The following ATP13A2 variants were observed in gnomAD, a reference collection of about 807,000 sequenced individuals.
ATP13A2 encodes the protein ATPase cation transporting 13A2.
In ATP13A2, 83 loss-of-function variants were observed where a neutral mutation model predicts 138.3. That is an observed-to-expected ratio of 0.60 (90% CI 0.50 to 0.72). The LOEUF (loss-of-function observed/expected upper bound fraction) is 0.72, where lower values mean the gene tolerates loss of function less well. Among genes scored for constraint, ATP13A2 ranks in the 30% least tolerant of loss-of-function variants. The probability of loss-of-function intolerance (pLI) is 0.00; values close to 1 mark genes in which losing one functional copy is unlikely to be tolerated. For synonymous variants in ATP13A2, 663 were observed against 699.0 expected (o/e 0.95, Z 0.81); for missense variants, 1,402 against 1,606.4 (o/e 0.87, Z 2.17).
intron 23 of ATP13A2, 52 bp from the exon 24 acceptor site, chr1:16,988,526 TG>T: frequency 6.2e-7 from 1 of 1,610,166 alleles, no homozygotes; most frequent in South Asian, 1.1e-5. Flanking sequence ...CACCACCCCA[TG>T]GGTGGGCTGG....
At chr1:17,002,831 G>T (rs1260763388) in intron 6 of ATP13A2, among the ~76,000 whole-genome samples, 2 of 152,066 alleles carry the variant, frequency 1.3e-5, no homozygotes, top group Non-Finnish European at 2.9e-5. Context: ...ATGAATGCAC[G>T]GGTGATTTTT....
In ATP13A2 at chr1:17,004,935, T is replaced by TG. The variant is rs1190474050; in HGVS notation, c.347+78dup. On this transcript the variant is annotated intron_variant, in intron 4 of 28. Transcript: ENST00000326735. This position sits in a 1 kb window ranked among gnomAD's most constrained non-coding sequence, Gnocchi z 4.1. ...TGGGAGGCGCCAGAGTCAGCCTTTA[T>TG]GGGGGGGCCGAGGGTTGGGGAAGTT... 27 of 1,608,202 alleles carry TG rather than the reference T, an allele frequency of 1.7e-5. No homozygotes were observed. Among genetic ancestry groups the TG allele is most frequent in the East Asian group, 1.3e-4 (6 of 44,746 alleles).
Position 16,986,662 on chromosome 1 carries a change from G to A in ATP13A2, c.3236-30C>T, listed in dbSNP as rs2076605. ...GAGCAGGAGAGTCTCTCAGGCAGGA[G>A]CCACGCCCCCCCGGCACCCACAGAC... On this transcript the variant is annotated intron_variant, in intron 27 of 28. Coordinates refer to ENST00000326735, the MANE Select transcript of ATP13A2 (RefSeq NM_022089.4). This position sits in a 1 kb window ranked among gnomAD's most constrained non-coding sequence, Gnocchi z 6.9. 787,640 of 1,587,734 alleles carry A rather than the reference G, an allele frequency of 0.5. 200,655 individuals are homozygous for A. Among genetic ancestry groups the A allele is most frequent in the Non-Finnish European group, 0.53 (616,755 of 1,170,830 alleles).
At chr1:16,996,625 T>C (rs2077136654) in intron 12 of ATP13A2, 129 bp from the exon 13 acceptor site, 1 of 760,882 alleles carries the variant, frequency 1.3e-6, no homozygotes. Flanking sequence ...CCATCAGCAG[T>C]GTGGAGTCCT....
In ATP13A2 at chr1:17,000,303, T is replaced by C. The variant is rs2077304265; in HGVS notation, c.850A>G (p.Thr284Ala). The change falls in exon 10 of 29, where the codon ACT becomes GCT. Residue 284 changes from threonine to alanine, a missense_variant. Thr to Ala is a moderately conservative substitution (Grantham distance 58). Coordinates refer to ENST00000326735, the MANE Select transcript of ATP13A2 (RefSeq NM_022089.4). The part of the protein sequence containing the change: ...SLYKTRKQSQ[T>A]LRDMVKLSMR... The stretch of plus-strand genomic sequence containing the variant: ...GACAACTTGACCATGTCCCTTAGAG[T>C]CTGGCTTTGCTGTGGGCAGGGGACA... 1 of 1,580,180 alleles carries C rather than the reference T, an allele frequency of 6.3e-7. No individual in the cohort carries two copies. Among genetic ancestry groups the C allele is most frequent in the Non-Finnish European group, 8.6e-7 (1 of 1,163,270 alleles).
chr1:17,006,768 C>T (rs1032487548), intron 1 of ATP13A2, among the ~76,000 whole-genome samples: 1 of 152,144 alleles, frequency 6.6e-6, no homozygotes, highest in Middle Eastern at 3.2e-3. Context: ...CCGTGCCCAG[C>T]CCAGGTCTGG....
rs772754955 is a variant in ATP13A2 at position 16,986,236 on chromosome 1, G to C, written c.3528C>G (p.Ala1176=). ...LAEQPWPPLP[A]GPLR The stretch of plus-strand genomic sequence containing the variant: ...TGGGCCTGCACTACCTCAGGGGGCC[G>C]GCGGGCAGCGGCGGCCAGGGCTGCT... The change falls in exon 29 of 29, where the codon GCC becomes GCG. Residue 1176 remains alanine, a synonymous_variant. Transcript: ENST00000326735. This position sits in a 1 kb window ranked among gnomAD's most constrained non-coding sequence, Gnocchi z 6.9. 6.2e-7 allele frequency: 1 copy of C among 1,610,526 alleles called. No homozygotes were observed. Among genetic ancestry groups the C allele is most frequent in the African/African-American group, 1.3e-5 (1 of 74,866 alleles).
chr1:17,010,749 G>T (rs1201941072), intron 1 of ATP13A2, among the ~76,000 whole-genome samples: 1 of 152,178 alleles, frequency 6.6e-6, no homozygotes, highest in African/African-American at 2.4e-5. Context: ...TGAGGTCACA[G>T]CTCGGGGCAG....
In ATP13A2 at chr1:16,991,813, C is replaced by T; in HGVS notation, c.2172G>A (p.Met724Ile). The T allele has an allele frequency of 6.2e-7, 1 of 1,614,170 alleles. No individual in the cohort carries two copies. Among genetic ancestry groups the T allele is most frequent in the Non-Finnish European group, 8.5e-7 (1 of 1,180,052 alleles). Residue 724 changes from methionine to isoleucine, a missense_variant, in exon 20 of 29, where the codon ATG becomes ATA. Coordinates refer to ENST00000326735, the MANE Select transcript of ATP13A2 (RefSeq NM_022089.4). ...TTGTCTGCGGCTTCAGTAGGTTCCT[C>T]ATGACCAGCAGCCCCAGGAGGCTCA... is the stretch of plus-strand genomic sequence containing the variant. ...GDLSLLGLLV[M>I]RNLLKPQTTP...
In ATP13A2 at chr1:17,000,506, G is replaced by T; in HGVS notation, c.734C>A (p.Ala245Asp). 1 of 1,614,076 alleles carries T rather than the reference G, an allele frequency of 6.2e-7. No homozygotes were observed. Residue 245 changes from alanine to aspartate, a missense_variant, in exon 9 of 29, where the codon GCC becomes GAC. Physicochemically the swap from Ala to Asp is moderately radical, Grantham distance 126. Coordinates refer to ENST00000326735, the MANE Select transcript of ATP13A2 (RefSeq NM_022089.4). ...EALNPYYGFQAFSIALWLADH... is the reference protein window; with the variant it reads ...EALNPYYGFQDFSIALWLADH... ...AGCCAGCCACAGCGCGATGCTGAAG[G>T]CCTGGAACCCATAGTAGGGGTTCAG...
In ATP13A2 at chr1:17,000,452, A is replaced by C; in HGVS notation, c.788T>G (p.Ile263Ser). ...GATGGAGATGGAGGAAATGAGGAAG[A>C]TGCACAGGGCGTACCAGTAGTAGTG... ...ADHYYWYALC[I>S]FLISSISICL... The change falls in exon 9 of 29, where the codon ATC becomes AGC. Residue 263 changes from isoleucine to serine, a missense_variant. By Grantham distance (142) the Ile-to-Ser change is moderately radical. Coordinates refer to ENST00000326735, the MANE Select transcript of ATP13A2 (RefSeq NM_022089.4). 2 of 1,614,080 alleles carry C rather than the reference A, an allele frequency of 1.2e-6. No individual in the cohort carries two copies. Among genetic ancestry groups the C allele is most frequent in the Non-Finnish European group, 1.7e-6 (2 of 1,179,978 alleles).
chr1:16,996,053 G>A lies in ATP13A2; in HGVS notation c.1465C>T (p.Arg489Trp), dbSNP rs753825215. The A allele has an allele frequency of 1.3e-5, 21 of 1,613,974 alleles. No homozygotes were observed. Among genetic ancestry groups the A allele is most frequent in the East Asian group, 2.2e-5 (1 of 44,904 alleles). The stretch of plus-strand genomic sequence containing the variant: ...TGGATGCAGAAAATGCCCTGTCTCC[G>A]CAGTCGGCTCTGGGCGTAGAGCGTG... ...VCTLYAQSRLRRQGIFCIHPL... is the reference protein window; with the variant it reads ...VCTLYAQSRLWRQGIFCIHPL... The change falls in exon 15 of 29, where the codon CGG becomes TGG. Residue 489 changes from arginine (R) to tryptophan (W), a missense_variant. Coordinates refer to ENST00000326735, the MANE Select transcript of ATP13A2 (RefSeq NM_022089.4).
intron 6 of ATP13A2, among the ~76,000 whole-genome samples, chr1:17,003,585 CCACACACA>C (rs540533484): frequency 3.0e-4 from 40 of 133,054 alleles, no homozygotes; most frequent in African/African-American, 8.3e-4. Flanking sequence ...ACCAAAAAAA[CCACACACA>C]CACACACACA....
chr1:17,002,228 C>T (rs1034104714), intron 7 of ATP13A2, 68 bp downstream of exon 7: 10 of 1,590,352 alleles, frequency 6.3e-6, no homozygotes, highest in Admixed American at 1.8e-5. Context: ...GACTGGAAGG[C>T]AACCACATTG....
chr1:17,000,194 G>A, intron 10 of ATP13A2, 52 bp from the exon 11 acceptor site: 8 of 1,570,216 alleles, frequency 5.1e-6, no homozygotes, highest in South Asian at 2.3e-5. Flanking sequence ...CCCCAGCCAT[G>A]CCCCCCCACC....
In ATP13A2 at chr1:16,989,867, G is replaced by A. The variant is rs1176636635; in HGVS notation, c.2529+20C>T. The A allele has an allele frequency of 1.4e-5, 23 of 1,608,382 alleles. No individual in the cohort carries two copies. The highest frequency in any genetic ancestry group is 1.9e-5 in the Non-Finnish European group (22 of 1,176,668). On this transcript the variant is annotated intron_variant, in intron 22 of 28. Coordinates refer to ENST00000326735, the MANE Select transcript of ATP13A2 (RefSeq NM_022089.4). ...AGCAGGGGAGGCGCAGGGCGGCCAG[G>A]GAGCTGGGGGCGGCCCTACCTTGGG...
At chr1:16,987,506 G>A (rs1195037027) in intron 25 of ATP13A2, among the ~76,000 whole-genome samples, 5 of 152,182 alleles carry the variant, frequency 3.3e-5, no homozygotes, top group Non-Finnish European at 7.4e-5. Flanking sequence ...CTAAATCTGA[G>A]GGGAGGTTTC....
chr1:16,999,922 A>G, intron 11 of ATP13A2, 89 bp downstream of exon 11: 2 of 1,459,756 alleles, frequency 1.4e-6, no homozygotes, highest in Admixed American at 2.7e-5. Flanking sequence ...AAAAAGGAAA[A>G]GGAAACTCAA....
Position 17,000,431 on chromosome 1 carries a change from G to C in ATP13A2, c.809C>G (p.Ser270Cys), listed in dbSNP as rs1557703957. 6.2e-7 allele frequency: 1 copy of C among 1,614,044 alleles called. No homozygotes were observed. The highest frequency in any genetic ancestry group is 1.6e-4 in the Middle Eastern group (1 of 6,062). Residue 270 changes from serine to cysteine, a missense_variant, in exon 9 of 29, where the codon TCC (serine) becomes TGC (cysteine). Coordinates refer to ENST00000326735, the MANE Select transcript of ATP13A2 (RefSeq NM_022089.4). ...GGTCTTGTACAGCGACAGGCAGATG[G>C]AGATGGAGGAAATGAGGAAGATGCA... ...ALCIFLISSI[S>C]ICLSLYKTRK... is the part of the protein sequence containing the mutation.
Sources: allele counts gnomAD v4.1 joint callset (sites outside exome capture counted in the v4.1 genomes callset), GRCh38; gene constraint gnomAD v4.1.1; non-coding constraint Gnocchi (gnomAD v3.1); transcripts MANE v1.5; gene names NCBI Gene and HGNC (gene_info 2026-07-23, HGNC 2026-07-21).